Variants in LUZP2 observed in about 807,000 individuals in gnomAD.
The protein encoded by LUZP2 is leucine zipper protein 2.
A neutral mutation model predicts 51.6 loss-of-function variants in LUZP2; 52 were observed. The observed-to-expected ratio is 1.01, with a 90% confidence interval of 0.81 to 1.27. LUZP2 has a LOEUF of 1.27. LUZP2 is among the 50% of genes most tolerant of loss of function. LUZP2 has a pLI of 0.00. For missense variants in LUZP2, 436 were observed against 395.4 expected (o/e 1.10, Z -0.87); for synonymous variants, 154 against 137.3 (o/e 1.12, Z -0.85).
At chr11:24,758,122 C>T (rs1210162847) in intron 4 of LUZP2, among the ~76,000 whole-genome samples, 2 of 151,970 alleles carry the variant, frequency 1.3e-5, no homozygotes, top group Non-Finnish European at 2.9e-5. Context: ...AGGCATATTT[C>T]ATTAATGAAT....
At chr11:24,546,202 C>G (rs1013565143) in intron 1 of LUZP2, among the ~76,000 whole-genome samples, 2 of 151,912 alleles carry the variant, frequency 1.3e-5, no homozygotes, top group African/African-American at 4.8e-5. Context: ...GGGGTTTCTT[C>G]GATACAGGAT....
chr11:24,967,668 T>C (rs2133890808), intron 7 of LUZP2, among the ~76,000 whole-genome samples: 1 of 152,170 alleles, frequency 6.6e-6, no homozygotes, highest in East Asian at 1.9e-4. Context: ...ATTTTTTTAA[T>C]GTGCATCCAA....
At chr11:24,649,263 G>A (rs1223407564) in intron 1 of LUZP2, among the ~76,000 whole-genome samples, 1 of 151,956 alleles carries the variant, frequency 6.6e-6, no homozygotes, top group Non-Finnish European at 1.5e-5. Context: ...AACTAAGTGG[G>A]TAATGGTTTT....
At chr11:24,965,097 C>T (rs1855542303) in intron 7 of LUZP2, among the ~76,000 whole-genome samples, 1 of 151,270 alleles carries the variant, frequency 6.6e-6, no homozygotes, top group Admixed American at 6.6e-5. Context: ...TAAGGAACAA[C>T]AGCCTATATA....
Position 25,078,775 on chromosome 11 carries a change from A to T in LUZP2, c.*117A>T, listed in dbSNP as rs1027732042. 2.6e-6 allele frequency: 2 copies of T among 772,040 alleles called. No individual in the cohort carries two copies. The highest frequency in any genetic ancestry group is 3.6e-5 in the African/African-American group (2 of 55,944). 47.8% of individuals were successfully genotyped at this position (772,040 alleles called of 1,614,324 possible). On this transcript the variant is annotated 3_prime_UTR_variant, in exon 12 of 12. Coordinates refer to ENST00000336930, the MANE Select transcript of LUZP2 (RefSeq NM_001009909.4). ...ATGCAACTTTTTCACAATTTTATGT[A>T]ACTTTATAAAGTAGCCTACACATTT...
intron 1 of LUZP2, among the ~76,000 whole-genome samples, chr11:24,652,389 A>C (rs1855655346): frequency 6.6e-6 from 1 of 152,094 alleles, no homozygotes; most frequent in Admixed American, 6.6e-5. Flanking sequence ...AGGTTATTCA[A>C]AATTGGAGAA....
At position 24,497,312 on chromosome 11, in the gene LUZP2, C is replaced by G. The variant is rs1471480415; in HGVS notation, c.62+7C>G. 3 of 1,532,468 alleles carry G rather than the reference C, an allele frequency of 2.0e-6. No homozygotes were observed. The highest frequency in any genetic ancestry group is 2.6e-6 in the Non-Finnish European group (3 of 1,134,454). 94.9% of individuals were successfully genotyped at this position (1,532,468 alleles called of 1,614,324 possible). On this transcript the variant is annotated splice_region_variant and intron_variant, in intron 1 of 11. Transcript: ENST00000336930. ...CGCTGGTCCTCAGCACCAGGTGAGT[C>G]CAGGAGCGTGAGTGACCTGAGGCCA...
At chr11:24,728,656 T>A (rs1297833169) in intron 1 of LUZP2, among the ~76,000 whole-genome samples, 2 of 152,034 alleles carry the variant, frequency 1.3e-5, no homozygotes, top group Admixed American at 1.3e-4. Context: ...TCTTCTGAAA[T>A]GAGTAGTCAT....
chr11:24,634,163 TTA>T (rs1353041948), intron 1 of LUZP2, among the ~76,000 whole-genome samples: 51 of 152,120 alleles, frequency 3.4e-4, no homozygotes, highest in African/African-American at 1.2e-3. Flanking sequence ...TTTGTGAGAA[TTA>T]TATGAGTTCA....
Position 24,868,024 on chromosome 11 carries a change from C to T in LUZP2, c.397-37967C>T, listed in dbSNP as rs1181971163. 2.0e-5 allele frequency among the ~76,000 whole-genome samples: 3 copies of T among 152,110 alleles called. No individual in the cohort carries two copies. In the East Asian group the frequency reaches 5.8e-4, roughly 29 times the overall value. Reference sequence around the variant, plus strand: ...TTCTGATCCATGGCCAGCATCTTCACAGCTCTCATTAGACCTTGTTCAGCC... The same window carrying T: ...TTCTGATCCATGGCCAGCATCTTCATAGCTCTCATTAGACCTTGTTCAGCC... On this transcript the variant is annotated intron_variant, in intron 5 of 11. Transcript: ENST00000336930.
intron 8 of LUZP2, among the ~76,000 whole-genome samples, chr11:24,977,585 C>A (rs1855913726): frequency 6.6e-6 from 1 of 151,438 alleles, no homozygotes; most frequent in Admixed American, 6.6e-5. Context: ...ATTCATACAC[C>A]ACATATATGT....
intron 1 of LUZP2, among the ~76,000 whole-genome samples, chr11:24,497,713 C>T (rs1348285254): frequency 1.3e-5 from 2 of 152,136 alleles, no homozygotes; most frequent in Non-Finnish European, 2.9e-5. Context: ...CTTCTCCCTT[C>T]CCCCAAGTGT....
At chr11:24,551,147 A>G (rs371636448) in intron 1 of LUZP2, among the ~76,000 whole-genome samples, 2 of 152,100 alleles carry the variant, frequency 1.3e-5, no homozygotes, top group African/African-American at 4.8e-5. Flanking sequence ...TTTGGAAACT[A>G]TAACATATGT....
chr11:24,793,346 C>T (rs1461446164), intron 5 of LUZP2, among the ~76,000 whole-genome samples: 1 of 152,072 alleles, frequency 6.6e-6, no homozygotes, highest in Non-Finnish European at 1.5e-5. Flanking sequence ...TCTGGGTAAT[C>T]CCATGGGCCT....
In LUZP2 at chr11:25,004,175, T is replaced by G. The variant is rs554157828; in HGVS notation, c.765+20882T>G. Among the ~76,000 whole-genome samples the G allele has an allele frequency of 4.6e-5, 7 of 152,312 alleles. No individual in the cohort carries two copies. In the South Asian group the frequency reaches 1.4e-3, roughly 32 times the overall value. On this transcript the variant is annotated intron_variant, in intron 9 of 11. Transcript: ENST00000336930. ...GTTGGATCATCTGGTTGGGGGCTGC[T>G]GACCCAGAGAAACTTTGTCTTCTGG...
In LUZP2 at chr11:24,729,223, C is replaced by A. The variant is rs747659167; in HGVS notation, c.117C>A (p.Ser39Arg). The A allele has an allele frequency of 1.9e-6, 3 of 1,578,384 alleles. No homozygotes were observed. Among genetic ancestry groups the A allele is most frequent in the Non-Finnish European group, 2.6e-6 (3 of 1,156,152 alleles). The change falls in exon 2 of 12, where the codon AGC (serine) becomes AGA (arginine). Residue 39 changes from serine (S) to arginine (R), a missense_variant. Ser to Arg is a moderately radical substitution (Grantham distance 110). Transcript: ENST00000336930. ...KQLKEVFKER[S>R]TILRQLTKTS... ...TGAAAGAAGTCTTTAAGGAGCGAAGCACCATTCTTCGTCAGCTGACAAAGA... is the reference window on the plus strand; with the variant it reads ...TGAAAGAAGTCTTTAAGGAGCGAAGAACCATTCTTCGTCAGCTGACAAAGA...
intron 1 of LUZP2, among the ~76,000 whole-genome samples, chr11:24,596,245 A>G (rs1319344256): frequency 6.6e-6 from 1 of 152,186 alleles, no homozygotes; most frequent in Non-Finnish European, 1.5e-5. Context: ...TATATCAAAC[A>G]ATACAGTACT....
At chr11:25,050,603 C>T (rs1168165633) in intron 10 of LUZP2, among the ~76,000 whole-genome samples, 2 of 152,006 alleles carry the variant, frequency 1.3e-5, no homozygotes, top group East Asian at 1.9e-4. Flanking sequence ...TGAGCCTGGC[C>T]GTAAATGTTC....
intron 1 of LUZP2, among the ~76,000 whole-genome samples, chr11:24,618,146 G>A (rs1220559373): frequency 1.3e-5 from 2 of 152,100 alleles, no homozygotes; most frequent in Non-Finnish European, 2.9e-5. Context: ...AGGGGATGGG[G>A]GAATGTAGCC....
Sources: gnomAD v4.1 joint callset for allele counts (sites outside exome capture counted in the v4.1 genomes callset) on GRCh38, gnomAD v4.1.1 for gene constraint, MANE v1.5 for transcripts, NCBI Gene and HGNC (gene_info 2026-07-23, HGNC 2026-07-21) for gene names.